Variants in IFT74 observed in about 807,000 individuals in gnomAD.
IFT74 encodes the protein intraflagellar transport 74.
A neutral mutation model predicts 96.7 loss-of-function variants in IFT74; 92 were observed. The ratio of observed to expected loss-of-function variants is 0.95; its 90% confidence interval spans 0.80 to 1.13. IFT74 has a LOEUF of 1.13. Among genes scored for constraint, IFT74 ranks in the 50% most tolerant of loss-of-function variants. The pLI, the probability that IFT74 is intolerant of heterozygous loss-of-function variation, is 0.00. For synonymous variants in IFT74, 223 were observed against 213.2 expected (o/e 1.05, Z -0.40); for missense variants, 811 against 698.2 (o/e 1.16, Z -1.82).
At chr9:27,043,408 A>G (rs935985211) in intron 13 of IFT74, among the ~76,000 whole-genome samples, 1 of 152,236 alleles carries the variant, frequency 6.6e-6, no homozygotes, top group African/African-American at 2.4e-5. Context: ...AAGCAAGTAT[A>G]TGCACAGATG....
chr9:27,028,624 C>T (rs1363899675), intron 12 of IFT74, among the ~76,000 whole-genome samples: 2 of 151,978 alleles, frequency 1.3e-5, no homozygotes, highest in African/African-American at 2.4e-5. Flanking sequence ...GGCATGGAGG[C>T]GCGTGCCTCT....
rs1349911258 is a variant in IFT74, at chr9:27,010,177, G to A, written c.726+1019G>A. Among the ~76,000 whole-genome samples the A allele has an allele frequency of 4.6e-5, 7 of 151,526 alleles. No homozygotes were observed. In the East Asian group the frequency reaches 1.4e-3, roughly 30 times the overall value. On this transcript the variant is annotated intron_variant, in intron 9 of 19. Transcript: ENST00000380062. The stretch of plus-strand genomic sequence containing the variant: ...TGATTTTTTGTATTTTTTTAGTAGG[G>A]ACGGGGTTTCACCGTGTTAGTCAGG...
chr9:27,036,379 A>G (rs1031748034), intron 13 of IFT74: 3 of 1,561,974 alleles, frequency 1.9e-6, no homozygotes, highest in Admixed American at 2.0e-5. Context: ...TTAAGCTTAT[A>G]TGTACTCTTT....
intron 16 of IFT74, among the ~76,000 whole-genome samples, chr9:27,048,780 A>G: frequency 6.6e-6 from 1 of 152,230 alleles, no homozygotes; most frequent in East Asian, 1.9e-4. Context: ...AGACTAGCAG[A>G]CAGAGGCCCT....
intron 18 of IFT74, 97 bp from the exon 19 acceptor site, chr9:27,060,494 T>G (rs1820365296): frequency 3.0e-6 from 2 of 671,668 alleles, no homozygotes; most frequent in East Asian, 5.7e-5. Flanking sequence ...TGATAAGATT[T>G]AAAGTTGGAG....
intron 17 of IFT74, among the ~76,000 whole-genome samples, chr9:27,056,030 T>C (rs1239226627): frequency 6.6e-6 from 1 of 152,122 alleles, no homozygotes; most frequent in East Asian, 1.9e-4. Context: ...CTTTGTTAAA[T>C]GCAGTTTAGA....
rs1339547060 is a variant in IFT74 at position 26,984,285 on chromosome 9, G to A, written c.334G>A (p.Val112Ile). ...RSKISELTTE[V>I]NKLQKGIEMY... ...TAAAATAAGTGAACTTACAACTGAA[G>A]TTAATAAACTTCAGAAGGGAATAGA... Residue 112 changes from valine (V) to isoleucine (I), a missense_variant, in exon 5 of 20, where the codon GTT (valine) becomes ATT (isoleucine). Coordinates refer to ENST00000380062, the MANE Select transcript of IFT74 (RefSeq NM_025103.4). 6.4e-7 allele frequency: 1 copy of A among 1,569,506 alleles called. No homozygotes were observed. The highest frequency in any genetic ancestry group is 1.4e-5 in the African/African-American group (1 of 72,872).
intron 1 of IFT74, among the ~76,000 whole-genome samples, chr9:26,949,366 C>G (rs1825864412): frequency 6.6e-6 from 1 of 152,042 alleles, no homozygotes; most frequent in Admixed American, 6.6e-5. Flanking sequence ...GCTCTGGAGC[C>G]CAACTCAATG....
Position 26,974,728 on chromosome 9 carries a change from C to T in IFT74, c.121-3400C>T, listed in dbSNP as rs924399926. 2.0e-5 allele frequency among the ~76,000 whole-genome samples: 3 copies of T among 152,092 alleles called. 1 individual carries two copies. The South Asian group carries it at 6.2e-4, about 32-fold the overall frequency. The stretch of plus-strand genomic sequence containing the variant: ...TTTTTTCTCCTCCGAAAAGAGGATG[C>T]CTGGGATGGATATTAACTCGACCCA... On this transcript the variant is annotated intron_variant, in intron 2 of 19. Transcript: ENST00000380062.
At position 27,055,528 on chromosome 9, in the gene IFT74, T is replaced by C. The variant is rs1003958090; in HGVS notation, c.1334-81T>C. On this transcript the variant is annotated intron_variant, in intron 16 of 19. Transcript: ENST00000380062. ...TTACAGATATTCTTAAAAAACATGA[T>C]TTTTAATAGTTGCATTACATTTCCT... is the stretch of plus-strand genomic sequence containing the variant. The C allele has an allele frequency of 3.1e-5, 28 of 908,430 alleles. No homozygotes were observed. The African/African-American group carries it at 4.4e-4, about 14-fold the overall frequency. The allele number at this position is 908,430 out of a possible 1,614,324, so 56.3% of individuals were successfully genotyped here.
In IFT74 at chr9:27,014,998, A is replaced by G. The variant is rs112464890; in HGVS notation, c.790-1909A>G. On this transcript the variant is annotated intron_variant, in intron 10 of 19. Coordinates refer to ENST00000380062, the MANE Select transcript of IFT74 (RefSeq NM_025103.4). The stretch of plus-strand genomic sequence containing the variant: ...TCAACTAGTATTTTTTGAATACTTT[A>G]TGTTCACTGCTGTACAACGTATTAG... Among the ~76,000 whole-genome samples, 17 of 152,328 alleles carry G rather than the reference A, an allele frequency of 1.1e-4. 2 individuals carry two copies. The highest frequency in any genetic ancestry group is 4.1e-4 in the African/African-American group (17 of 41,590).
intron 12 of IFT74, among the ~76,000 whole-genome samples, chr9:27,025,232 C>T (rs1829802886): frequency 6.6e-6 from 1 of 151,878 alleles, no homozygotes; most frequent in African/African-American, 2.4e-5. Context: ...AACATGAGGT[C>T]AGGAGTTCAA....
chr9:27,023,944 C>T (rs2131632711), intron 12 of IFT74, among the ~76,000 whole-genome samples: 1 of 152,326 alleles, frequency 6.6e-6, no homozygotes, highest in South Asian at 2.1e-4. Flanking sequence ...CCTCACCAAT[C>T]ACCTGAGAAA....
intron 13 of IFT74, chr9:27,036,918 T>A: frequency 1.3e-6 from 1 of 754,990 alleles, no homozygotes; most frequent in Non-Finnish European, 1.6e-6. Context: ...TGATTCATGA[T>A]AAAATGCTTG....
At chr9:26,956,310 A>C (rs1563930194), upstream of IFT74, 1 of 152,168 alleles carries the variant, frequency 6.6e-6, no homozygotes, top group Non-Finnish European at 1.5e-5. Context: ...TTCTCGCGAG[A>C]GCTCCGTGTG....
chr9:27,031,913 T>C (rs1486246899), intron 13 of IFT74, among the ~76,000 whole-genome samples: 1 of 152,158 alleles, frequency 6.6e-6, no homozygotes, highest in African/African-American at 2.4e-5. Flanking sequence ...GGTTTTGCTC[T>C]GTTGCCCAGG....
intron 2 of IFT74, among the ~76,000 whole-genome samples, chr9:26,966,994 C>T (rs912013075): frequency 6.6e-6 from 1 of 151,388 alleles, no homozygotes; most frequent in African/African-American, 2.4e-5. Flanking sequence ...GGATTTATTT[C>T]TGGGTTCTCT....
intron 2 of IFT74, among the ~76,000 whole-genome samples, chr9:26,963,866 C>T (rs936207792): frequency 1.2e-4 from 19 of 152,136 alleles, no homozygotes; most frequent in African/African-American, 4.6e-4. Context: ...GATATTAGCC[C>T]TTTGTCAGAT....
At chr9:27,057,712 G>T (rs1445545075) in intron 18 of IFT74, among the ~76,000 whole-genome samples, 1 of 152,040 alleles carries the variant, frequency 6.6e-6, no homozygotes, top group Non-Finnish European at 1.5e-5. Context: ...CAAAAAATTA[G>T]CCAGGAGTGG....
Sources: allele counts gnomAD v4.1 joint callset (sites outside exome capture counted in the v4.1 genomes callset), GRCh38; gene constraint gnomAD v4.1.1; transcripts MANE v1.5; gene names NCBI Gene and HGNC (gene_info 2026-07-23, HGNC 2026-07-21).